The following KCND3 variants were observed in gnomAD, a reference collection of about 807,000 sequenced individuals.
KCND3 encodes potassium voltage-gated channel subfamily D member 3, also known as A-type voltage-gated potassium channel KCND3.
KCND3 carries 9 observed loss-of-function variants against 51.1 expected under a neutral mutation model. The observed-to-expected ratio is 0.18, with a 90% CI of 0.11 to 0.31. KCND3 has a LOEUF of 0.31. Ranked by LOEUF, KCND3 falls within the 10% of genes least tolerant of loss-of-function variation. KCND3 has a pLI of 1.00. For synonymous variants in KCND3, 349 were observed against 368.0 expected (o/e 0.95, Z 0.59); for missense variants, 526 against 903.8 (o/e 0.58, Z 5.36).
chr1:111,844,952 A>G (rs1014860855), intron 2 of KCND3, among the ~76,000 whole-genome samples: 2 of 152,098 alleles, frequency 1.3e-5, no homozygotes, highest in African/African-American at 4.8e-5. Flanking sequence ...GTGCTCCTTC[A>G]AGACAAACAC....
intron 2 of KCND3, among the ~76,000 whole-genome samples, chr1:111,926,599 C>T (rs949223213): frequency 3.1e-4 from 47 of 152,370 alleles, no homozygotes; most frequent in African/African-American, 1.0e-3. Context: ...CTTGTTCTCA[C>T]GGTAGAACAC....
intron 2 of KCND3, among the ~76,000 whole-genome samples, chr1:111,915,270 A>G (rs1044136935): frequency 6.6e-6 from 1 of 152,228 alleles, no homozygotes; most frequent in African/African-American, 2.4e-5. Flanking sequence ...CAATCATATC[A>G]ATAATTACAT....
chr1:111,835,099 A>T (rs71673440), intron 2 of KCND3, among the ~76,000 whole-genome samples: 1 of 152,148 alleles, frequency 6.6e-6, no homozygotes, highest in African/African-American at 2.4e-5. Flanking sequence ...AGCAACCTAC[A>T]GAGATTGAGG....
intron 2 of KCND3, among the ~76,000 whole-genome samples, chr1:111,800,304 G>A (rs571139519): frequency 3.2e-5 from 3 of 93,326 alleles, no homozygotes; most frequent in African/African-American, 8.6e-5. Context: ...GATTAAGGGC[G>A]GTGCAAGATG....
intron 2 of KCND3, among the ~76,000 whole-genome samples, chr1:111,953,579 T>C (rs1020005325): frequency 2.9e-4 from 44 of 152,334 alleles, no homozygotes; most frequent in Admixed American, 5.2e-4. Flanking sequence ...GCGGAGAACC[T>C]GCCCAACTGA....
chr1:111,826,403 TA>T lies in KCND3; in HGVS notation c.1107-39298del, dbSNP rs767801914. Among the ~76,000 whole-genome samples the T allele has an allele frequency of 2.0e-4, 30 of 152,214 alleles. 1 individual carries two copies. The highest frequency in any genetic ancestry group is 4.0e-4 in the Non-Finnish European group (27 of 68,040). ...TCACTCCTTGTGAGATGTTTTCTTT[TA>T]GAGTGTGCAGCCATGGACCATAAAA... On this transcript the variant is annotated intron_variant, in intron 2 of 7. Coordinates refer to ENST00000302127, the MANE Select transcript of KCND3 (RefSeq NM_001378969.1).
At chr1:111,876,470 C>T (rs1158951990) in intron 2 of KCND3, among the ~76,000 whole-genome samples, 1 of 152,182 alleles carries the variant, frequency 6.6e-6, no homozygotes, top group Non-Finnish European at 1.5e-5. Flanking sequence ...ATTTTAATTC[C>T]CACAATGCAT....
At position 111,784,227 on chromosome 1, in the gene KCND3, T is replaced by C. The variant is rs534054193; in HGVS notation, c.1269+2717A>G. Among the ~76,000 whole-genome samples, 4 of 152,264 alleles carry C rather than the reference T, an allele frequency of 2.6e-5. No homozygotes were observed. The East Asian group carries it at 7.7e-4, about 29-fold the overall frequency. ...ATCCTGGTGGTGATATATAGTACTATTGTTTTGTAAAATGTTACCACTAGG... is the reference window on the plus strand; with the variant it reads ...ATCCTGGTGGTGATATATAGTACTACTGTTTTGTAAAATGTTACCACTAGG... On this transcript the variant is annotated intron_variant, in intron 3 of 7. Transcript: ENST00000302127.
intron 2 of KCND3, among the ~76,000 whole-genome samples, chr1:111,880,707 C>T (rs765370332): frequency 3.3e-5 from 5 of 152,112 alleles, no homozygotes; most frequent in Non-Finnish European, 5.9e-5. Context: ...AAATTTCTAC[C>T]GTGGAAACAT....
At chr1:111,928,865 A>G (rs1351574950) in intron 2 of KCND3, among the ~76,000 whole-genome samples, 1 of 152,202 alleles carries the variant, frequency 6.6e-6, no homozygotes, top group African/African-American at 2.4e-5. Flanking sequence ...GTTCGGGATG[A>G]AAAGGCCACA....
Position 111,777,096 on chromosome 1 carries a change from G to A in KCND3, c.1696C>T (p.Arg566Cys), listed in dbSNP as rs139901716. The A allele has an allele frequency of 8.4e-5, 136 of 1,613,988 alleles. No homozygotes were observed. Among genetic ancestry groups the A allele is most frequent in the Non-Finnish European group, 1.1e-4 (133 of 1,179,980 alleles). The change falls in exon 7 of 8, where the codon CGC becomes TGC. Residue 566 changes from arginine to cysteine, a missense_variant. Arg to Cys is a radical substitution (Grantham distance 180, BLOSUM62 -3). This residue lies in a region of KCND3 where 266 missense variants were observed against 305.5 expected (regional missense o/e 0.87). Coordinates refer to ENST00000302127, the MANE Select transcript of KCND3 (RefSeq NM_001378969.1). Reference sequence around the variant, plus strand: ...CTGAGCTCTTGCATGCTGCGCAGGCGAGTAGCTGGCAGGTTAGAATTGGGC... The same window carrying A: ...CTGAGCTCTTGCATGCTGCGCAGGCAAGTAGCTGGCAGGTTAGAATTGGGC... ...HLPNSNLPATRLRSMQELSTI... is the reference protein window; with the variant it reads ...HLPNSNLPATCLRSMQELSTI...
chr1:111,889,124 T>C (rs1326441746), intron 2 of KCND3, among the ~76,000 whole-genome samples: 1 of 152,050 alleles, frequency 6.6e-6, no homozygotes, highest in African/African-American at 2.4e-5. Flanking sequence ...AGGGCTGGGG[T>C]TCACTGTATT....
chr1:111,941,830 G>A (rs1672534498), intron 2 of KCND3, among the ~76,000 whole-genome samples: 1 of 152,220 alleles, frequency 6.6e-6, no homozygotes, highest in South Asian at 2.1e-4. Context: ...GCTTTTCTTT[G>A]ACATACAATT....
rs147299150 is a variant in KCND3, at chr1:111,791,791, T to A, written c.1107-4685A>T. Among the ~76,000 whole-genome samples, 446 of 152,286 alleles carry A rather than the reference T, an allele frequency of 2.9e-3. 1 individual carries two copies. Among genetic ancestry groups the A allele is most frequent in the African/African-American group, 7.8e-3 (324 of 41,550 alleles). On this transcript the variant is annotated intron_variant, in intron 2 of 7. Coordinates refer to ENST00000302127, the MANE Select transcript of KCND3 (RefSeq NM_001378969.1). ...CCAGATTAATTTTAACAAAGATAAA[T>A]GAGAACACCAGCATTTTTATTCAAA...
At chr1:111,984,569 T>C (rs1675161548) in intron 1 of KCND3, among the ~76,000 whole-genome samples, 3 of 152,156 alleles carry the variant, frequency 2.0e-5, no homozygotes. Context: ...TGAAATCCAT[T>C]CTGCTCAGTG....
At chr1:111,950,799 A>C (rs1026245556) in intron 2 of KCND3, among the ~76,000 whole-genome samples, 6 of 152,216 alleles carry the variant, frequency 3.9e-5, no homozygotes, top group African/African-American at 4.8e-5. Flanking sequence ...AGAGTAAGCG[A>C]CAAAGAGGAC....
At position 111,934,475 on chromosome 1, in the gene KCND3, A is replaced by G. The variant is rs115686694; in HGVS notation, c.1106+47146T>C. On this transcript the variant is annotated intron_variant, in intron 2 of 7. Coordinates refer to ENST00000302127, the MANE Select transcript of KCND3 (RefSeq NM_001378969.1). ...GCCACAGCAAGCACCTCAGCCCCAG[A>G]CATAGAAGGCCCAGGTGAAAGCGGT... Among the ~76,000 whole-genome samples, 291 of 152,358 alleles carry G rather than the reference A, an allele frequency of 1.9e-3. 1 individual carries two copies. The highest frequency in any genetic ancestry group is 3.5e-3 in the Non-Finnish European group (238 of 68,038).
intron 2 of KCND3, among the ~76,000 whole-genome samples, chr1:111,882,943 A>AT (rs112949398): frequency 7.9e-4 from 121 of 152,258 alleles, no homozygotes; most frequent in African/African-American, 2.8e-3. Flanking sequence ...CTGTGGCCCC[A>AT]TTTTCTGGGC....
chr1:111,804,808 G>A (rs552679369), intron 2 of KCND3, among the ~76,000 whole-genome samples: 1 of 152,336 alleles, frequency 6.6e-6, no homozygotes, highest in East Asian at 1.9e-4. Flanking sequence ...AATAATAATT[G>A]CCAAATCATA....
Sources: allele counts gnomAD v4.1 joint callset (sites outside exome capture counted in the v4.1 genomes callset), GRCh38; gene constraint gnomAD v4.1.1; regional missense constraint gnomAD v4.1.1; transcripts MANE v1.5; gene names NCBI Gene and HGNC (gene_info 2026-07-23, HGNC 2026-07-21).